Variants in TRPS1 observed in about 807,000 individuals in gnomAD.
TRPS1 encodes transcriptional repressor GATA binding 1, also known as zinc finger transcription factor Trps1.
Under a neutral mutation model 101.2 loss-of-function variants are expected in TRPS1, and 6 were observed. The ratio of observed to expected loss-of-function variants is 0.06; its 90% CI spans 0.03 to 0.12. The LOEUF (loss-of-function observed/expected upper bound fraction) is 0.12, where lower values mean the gene tolerates loss of function less well. Ranked by LOEUF, TRPS1 falls within the 10% of genes least tolerant of loss-of-function variation. The probability of loss-of-function intolerance (pLI) is 1.00; values close to 1 mark genes in which losing one functional copy is unlikely to be tolerated. For synonymous variants in TRPS1, 578 were observed against 589.8 expected, an observed-to-expected ratio of 0.98 and a Z score of 0.29; for missense variants, 1,363 against 1,567.0, an observed-to-expected ratio of 0.87 and a Z score of 2.20.
At chr8:115,437,777 C>G (rs1813492976) in intron 5 of TRPS1, among the ~76,000 whole-genome samples, 1 of 152,046 alleles carries the variant, frequency 6.6e-6, no homozygotes, top group South Asian at 2.1e-4. Context: ...ATTAAATTTA[C>G]TATTAATGTC....
At chr8:115,511,130 T>C (rs779502097) in intron 5 of TRPS1, 2 of 151,876 alleles carry the variant, frequency 1.3e-5, no homozygotes, top group African/African-American at 2.4e-5. Flanking sequence ...GTCTTTCTGG[T>C]GGAGAAAAGG....
At chr8:115,582,388 T>C (rs1817471423) in intron 5 of TRPS1, among the ~76,000 whole-genome samples, 1 of 152,220 alleles carries the variant, frequency 6.6e-6, no homozygotes. Flanking sequence ...ATCTCAATAG[T>C]CTGTCCGGTA....
intron 5 of TRPS1, among the ~76,000 whole-genome samples, chr8:115,469,056 G>T (rs371124231): frequency 6.6e-6 from 1 of 152,148 alleles, no homozygotes. Flanking sequence ...CCAGAGGATT[G>T]CTTGAGCCTG....
At chr8:115,458,561 G>A (rs1221222175) in intron 5 of TRPS1, among the ~76,000 whole-genome samples, 9 of 152,236 alleles carry the variant, frequency 5.9e-5, no homozygotes, top group Admixed American at 5.9e-4. Context: ...CTATGATTCT[G>A]TGAATAATTT....
intron 5 of TRPS1, among the ~76,000 whole-genome samples, chr8:115,421,109 C>T (rs565325837): frequency 1.3e-5 from 2 of 152,074 alleles, no homozygotes; most frequent in African/African-American, 4.8e-5. Context: ...CTCAGCCTCC[C>T]GAGTAGCTGG....
intron 5 of TRPS1, among the ~76,000 whole-genome samples, chr8:115,461,308 C>CAGACAG (rs1814169625): frequency 9.5e-6 from 1 of 105,356 alleles, no homozygotes; most frequent in Non-Finnish European, 2.5e-5. Flanking sequence ...TAGACAGATA[C>CAGACAG]ATACATACAT....
intron 5 of TRPS1, among the ~76,000 whole-genome samples, chr8:115,458,673 C>A (rs1814089860): frequency 6.6e-6 from 1 of 152,152 alleles, no homozygotes; most frequent in Non-Finnish European, 1.5e-5. Flanking sequence ...GCAGCACCTG[C>A]TAGTATGGCG....
At position 115,587,334 on chromosome 8, in the gene TRPS1, G is replaced by A; in HGVS notation, c.2367C>T (p.Leu789=). The A allele has an allele frequency of 6.2e-7, 1 of 1,614,128 alleles. No individual in the cohort carries two copies. The highest frequency in any genetic ancestry group is 1.3e-5 in the African/African-American group (1 of 75,030). The change falls in exon 5 of 7, where the codon CTC becomes CTT. Residue 789 remains leucine, a synonymous_variant. Coordinates refer to ENST00000395715, the MANE Select transcript of TRPS1 (RefSeq NM_014112.5). The part of the protein sequence containing the change: ...KREKLEEKDG[L]KEKVWTESSS... ...AACTCTCGGTCCAAACTTTCTCTTT[G>A]AGCCCGTCCTTCTCTTCCAGCTTCT...
At chr8:115,556,953 A>T (rs1384597786) in intron 5 of TRPS1, among the ~76,000 whole-genome samples, 1 of 152,188 alleles carries the variant, frequency 6.6e-6, no homozygotes, top group African/African-American at 2.4e-5. Flanking sequence ...TGATAAAGAC[A>T]TATCCAAGAC....
Position 115,413,726 on chromosome 8 carries a change from G to T in TRPS1, c.*297C>A. Reference sequence around the variant, plus strand: ...TTATAAATATATTAATTCTAGTCTGGTGATATCTCTTATGGATTATTTCCC... The same window carrying T: ...TTATAAATATATTAATTCTAGTCTGTTGATATCTCTTATGGATTATTTCCC... On this transcript the variant is annotated 3_prime_UTR_variant, in exon 7 of 7. Coordinates refer to ENST00000395715, the MANE Select transcript of TRPS1 (RefSeq NM_014112.5). 1 of 338,878 alleles carries T rather than the reference G, an allele frequency of 3.0e-6. No individual in the cohort carries two copies. Among genetic ancestry groups the T allele is most frequent in the Non-Finnish European group, 5.4e-6 (1 of 184,900 alleles). The allele number at this position is 338,878 out of a possible 1,614,324, so 21.0% of individuals were successfully genotyped here. A position where few individuals can be genotyped will look rare whatever the true frequency, so the allele number is the denominator to read the frequency against.
chr8:115,421,231 C>T (rs929877243), intron 5 of TRPS1, among the ~76,000 whole-genome samples: 1 of 151,938 alleles, frequency 6.6e-6, no homozygotes, highest in South Asian at 2.1e-4. Context: ...GTGATCTGCC[C>T]GCCTCGGCCT....
chr8:115,632,797 A>G (rs572253991), intron 1 of TRPS1, among the ~76,000 whole-genome samples: 4 of 152,280 alleles, frequency 2.6e-5, no homozygotes, highest in South Asian at 2.1e-4. Context: ...TAAAGTGTTT[A>G]GCAGTCAGGA....
At chr8:115,577,893 C>A (rs1334226169) in intron 5 of TRPS1, among the ~76,000 whole-genome samples, 1 of 152,068 alleles carries the variant, frequency 6.6e-6, no homozygotes, top group African/African-American at 2.4e-5. Flanking sequence ...GCGAAAACTT[C>A]AAAACTGGTT....
At chr8:115,608,150 G>A (rs1251650604) in intron 3 of TRPS1, among the ~76,000 whole-genome samples, 1 of 152,144 alleles carries the variant, frequency 6.6e-6, no homozygotes. Context: ...CTTCTTAGCT[G>A]TGACTATACT....
intron 5 of TRPS1, among the ~76,000 whole-genome samples, chr8:115,498,503 T>G (rs1250069672): frequency 8.2e-5 from 12 of 147,218 alleles, no homozygotes; most frequent in Admixed American, 5.5e-4. Context: ...AACACACAAG[T>G]TTGTTGTTGT....
At chr8:115,486,214 G>T (rs556706399) in intron 5 of TRPS1, among the ~76,000 whole-genome samples, 1 of 152,238 alleles carries the variant, frequency 6.6e-6, no homozygotes, top group African/African-American at 2.4e-5. Context: ...TGTGATCTGT[G>T]ATCTTTGATG....
At chr8:115,458,988 C>A (rs982428591) in intron 5 of TRPS1, among the ~76,000 whole-genome samples, 4 of 152,118 alleles carry the variant, frequency 2.6e-5, no homozygotes. Flanking sequence ...TAACTATCCA[C>A]AATAACTTTT....
At chr8:115,459,721 T>C (rs1437684845) in intron 5 of TRPS1, among the ~76,000 whole-genome samples, 2 of 152,206 alleles carry the variant, frequency 1.3e-5, no homozygotes, top group African/African-American at 4.8e-5. Flanking sequence ...TTAGTTACAC[T>C]ATGAAATCCC....
At chr8:115,649,621 C>T (rs1022752062) in intron 1 of TRPS1, among the ~76,000 whole-genome samples, 7 of 152,210 alleles carry the variant, frequency 4.6e-5, no homozygotes, top group African/African-American at 1.7e-4. Flanking sequence ...CCTGGTCAAC[C>T]TAGCTCACCT....
Sources: gnomAD v4.1 joint callset for allele counts (sites outside exome capture counted in the v4.1 genomes callset) on GRCh38, gnomAD v4.1.1 for gene constraint, MANE v1.5 for transcripts, NCBI Gene and HGNC (gene_info 2026-07-23, HGNC 2026-07-21) for gene names.